The following DNAH6 variants were observed in gnomAD, a reference collection of about 807,000 sequenced individuals.
DNAH6 encodes the protein axonemal beta dynein heavy chain 6.
Under a neutral mutation model 491.4 loss-of-function variants are expected in DNAH6, and 340 were observed. That is an observed-to-expected ratio of 0.69 (90% confidence interval 0.63 to 0.76). The LOEUF (loss-of-function observed/expected upper bound fraction) is 0.76. Ranked by LOEUF, DNAH6 falls within the 30% of genes least tolerant of loss-of-function variation. The pLI is 0.00. For synonymous variants in DNAH6, 1,603 were observed against 1,686.1 expected (o/e 0.95, Z 1.21); for missense variants, 4,443 against 4,972.2 (o/e 0.89, Z 3.20).
chr2:84,764,333 G>T (rs1205951380), intron 64 of DNAH6, among the ~76,000 whole-genome samples: 1 of 151,978 alleles, frequency 6.6e-6, no homozygotes, highest in Non-Finnish European at 1.5e-5. Flanking sequence ...AATACAAACA[G>T]AATTATCAGA....
intron 35 of DNAH6, among the ~76,000 whole-genome samples, chr2:84,655,258 C>T (rs1690841136): frequency 6.6e-6 from 1 of 152,242 alleles, no homozygotes; most frequent in African/African-American, 2.4e-5. Flanking sequence ...TTACATCCTA[C>T]CCCAATAGTA....
chr2:84,487,008 G>T, the DNAH6 span, among the ~76,000 whole-genome samples: 1 of 152,144 alleles, frequency 6.6e-6, no homozygotes, highest in Non-Finnish European at 1.5e-5. Context: ...GACTCAACTG[G>T]GGATGCCAAA....
At chr2:84,525,357 T>C (rs796735512) in intron 2 of DNAH6, among the ~76,000 whole-genome samples, 1 of 152,050 alleles carries the variant, frequency 6.6e-6, no homozygotes, top group African/African-American at 2.4e-5. Flanking sequence ...AAGTATAAAA[T>C]TAATGGAAGC....
Position 84,600,009 on chromosome 2 carries a change from T to C in DNAH6, c.2868+4220T>C, listed in dbSNP as rs1030823265. On this transcript the variant is annotated intron_variant, in intron 18 of 76. Coordinates refer to ENST00000389394, the MANE Select transcript of DNAH6 (RefSeq NM_001370.2). ...TTTGTTGAATTTTCCATATGCACTT[T>C]AGAAGAATGTGCATTCTGCTGTTGC... Among the ~76,000 whole-genome samples, 24 of 152,344 alleles carry C rather than the reference T, an allele frequency of 1.6e-4. No homozygotes were observed. In the East Asian group the frequency reaches 4.4e-3, roughly 28 times the overall value.
chr2:84,791,824 GT>G (rs1034156816), intron 68 of DNAH6, among the ~76,000 whole-genome samples: 10 of 152,030 alleles, frequency 6.6e-5, no homozygotes, highest in African/African-American at 2.2e-4. Flanking sequence ...CTAATGGCGA[GT>G]TTTTTTAGGC....
Position 84,727,721 on chromosome 2 carries a change from G to A in DNAH6, c.10025G>A (p.Arg3342His), listed in dbSNP as rs188849403. The change falls in exon 61 of 77, where the codon CGC becomes CAC. Residue 3342 changes from arginine to histidine, a missense_variant. By Grantham distance (29) the Arg-to-His change is conservative (BLOSUM62 0). This residue lies in a region of DNAH6 where 1,463 missense variants were observed against 1,656.6 expected (regional missense o/e 0.88). Transcript: ENST00000389394. Reference protein sequence around the residue: ...TSVKTENLQQRLDVLLEQTLL... With the variant: ...TSVKTENLQQHLDVLLEQTLL... ...GTAAAGACAGAAAATCTACAACAGC[G>A]CCTGGACGTACTACTAGAACAAACT... 65 of 1,551,536 alleles carry A rather than the reference G, an allele frequency of 4.2e-5. No homozygotes were observed. In the East Asian group the frequency reaches 1.1e-3, roughly 26 times the overall value.
At chr2:84,650,452 T>C (rs1690343988) in intron 33 of DNAH6, among the ~76,000 whole-genome samples, 1 of 152,192 alleles carries the variant, frequency 6.6e-6, no homozygotes, top group Non-Finnish European at 1.5e-5. Context: ...TATTGATTTT[T>C]TTGTTATTGT....
intron 60 of DNAH6, among the ~76,000 whole-genome samples, chr2:84,726,576 T>C (rs1439755138): frequency 1.3e-5 from 2 of 152,078 alleles, no homozygotes; most frequent in Non-Finnish European, 2.9e-5. Context: ...TAGGTGGGAA[T>C]TGAACAATGA....
At position 84,701,202 on chromosome 2, in the gene DNAH6, C is replaced by G. The variant is rs982282879; in HGVS notation, c.7924C>G (p.His2642Asp). 41 of 1,551,644 alleles carry G rather than the reference C, an allele frequency of 2.6e-5. No homozygotes were observed. Among genetic ancestry groups the G allele is most frequent in the Non-Finnish European group, 3.4e-5 (39 of 1,147,022 alleles). ...GCTTCCCTTGATGTGCGTGAACGTT[C>G]ACTTGAGTGTCTCCAGCATGGCAGA... ...EKLPLMCVNV[H>D]LSVSSMAERY... is the part of the protein sequence containing the mutation. Residue 2642 changes from histidine to aspartate, a missense_variant, in exon 49 of 77, where the codon CAC becomes GAC. By Grantham distance (81) the His-to-Asp change is moderately conservative (BLOSUM62 -1). Transcript: ENST00000389394.
intron 62 of DNAH6, 130 bp downstream of exon 62, chr2:84,733,709 CTG>C: frequency 1.1e-6 from 1 of 894,022 alleles, no homozygotes; most frequent in Admixed American, 3.2e-5. Flanking sequence ...TTCTAAGAAA[CTG>C]TAAATTATTT....
chr2:84,544,921 A>G (rs1428182783), intron 5 of DNAH6, among the ~76,000 whole-genome samples: 2 of 152,170 alleles, frequency 1.3e-5, no homozygotes, highest in African/African-American at 4.8e-5. Flanking sequence ...ACCTCCTAAT[A>G]TATCATATAT....
At chr2:84,526,723 A>G (rs1676637408) in intron 3 of DNAH6, among the ~76,000 whole-genome samples, 1 of 152,170 alleles carries the variant, frequency 6.6e-6, no homozygotes, top group Non-Finnish European at 1.5e-5. Flanking sequence ...GAATGAAATC[A>G]TATGATGAAC....
At position 84,745,076 on chromosome 2, in the gene DNAH6, C is replaced by T; in HGVS notation, c.10343-4C>T. On this transcript the variant is annotated splice_region_variant and splice_polypyrimidine_tract_variant and intron_variant, in intron 62 of 76. Coordinates refer to ENST00000389394, the MANE Select transcript of DNAH6 (RefSeq NM_001370.2). ...AAATTATCTTTTTTAAATTGTATTT[C>T]CAGGATCTTTTGAGACTTATATTAA... 2.0e-6 allele frequency: 3 copies of T among 1,471,702 alleles called. No homozygotes were observed. The highest frequency in any genetic ancestry group is 1.8e-4 in the Middle Eastern group (1 of 5,690). The allele number at this position is 1,471,702 out of a possible 1,614,324, so 91.2% of individuals were successfully genotyped here. A position where few individuals can be genotyped will look rare whatever the true frequency, so the allele number is the denominator to read the frequency against.
chr2:84,803,299 AG>A (rs2105309848), intron 70 of DNAH6, among the ~76,000 whole-genome samples: 1 of 152,302 alleles, frequency 6.6e-6, no homozygotes, highest in South Asian at 2.1e-4. Context: ...GGACTCCAAA[AG>A]GGGGGAAAAG....
chr2:84,585,813 C>T (rs1401602416), intron 15 of DNAH6, among the ~76,000 whole-genome samples: 7 of 152,130 alleles, frequency 4.6e-5, no homozygotes, highest in Non-Finnish European at 4.4e-5. Context: ...GAGCCCAGGG[C>T]TTTTATGGAC....
chr2:84,709,371 A>G lies in DNAH6; in HGVS notation c.9077A>G (p.Gln3026Arg). 1.9e-6 allele frequency: 3 copies of G among 1,551,672 alleles called. No homozygotes were observed. The highest frequency in any genetic ancestry group is 2.6e-6 in the Non-Finnish European group (3 of 1,146,996). The change falls in exon 55 of 77, where the codon CAG (glutamine) becomes CGG (arginine). Residue 3026 changes from glutamine to arginine, a missense_variant. Gln to Arg is a conservative substitution (Grantham distance 43). This residue lies in a region of DNAH6 where 1,463 missense variants were observed against 1,656.6 expected (regional missense o/e 0.88). Transcript: ENST00000389394. ...ATAGAGTGTTGGATCCAGGACTGTC[A>G]GTCTCTGGAGATCCCAATCGATCCT... ...SLIECWIQDCQSLEIPIDPSF... is the reference protein window; with the variant it reads ...SLIECWIQDCRSLEIPIDPSF...
At chr2:84,772,456 A>G (rs1374109612) in intron 64 of DNAH6, among the ~76,000 whole-genome samples, 1 of 152,094 alleles carries the variant, frequency 6.6e-6, no homozygotes, top group Non-Finnish European at 1.5e-5. Context: ...GCTGCCTACA[A>G]GAGATTCACG....
chr2:84,557,956 A>C, intron 11 of DNAH6, 21 bp downstream of exon 11: 1 of 1,484,906 alleles, frequency 6.7e-7, no homozygotes, highest in Non-Finnish European at 9.3e-7. Flanking sequence ...TCTGACTAAA[A>C]CTATTCTATA....
chr2:84,739,409 G>A (rs1672305246), intron 62 of DNAH6, among the ~76,000 whole-genome samples: 1 of 152,122 alleles, frequency 6.6e-6, no homozygotes, highest in African/African-American at 2.4e-5. Flanking sequence ...CAAGATTGGG[G>A]AAATTTTCCT....
Sources: allele counts gnomAD v4.1 joint callset (sites outside exome capture counted in the v4.1 genomes callset), GRCh38; gene constraint gnomAD v4.1.1; regional missense constraint gnomAD v4.1.1; transcripts MANE v1.5; gene names NCBI Gene and HGNC (gene_info 2026-07-23, HGNC 2026-07-21).